The following FAM83A variants were observed in gnomAD, a reference collection of about 807,000 sequenced individuals.
The protein encoded by FAM83A is protein FAM83A.
In FAM83A, 21 loss-of-function variants were observed where a neutral mutation model predicts 24.4. The observed-to-expected ratio is 0.86, with a 90% CI of 0.61 to 1.24. The LOEUF is 1.24. Among genes scored for constraint, FAM83A ranks in the 50% most tolerant of loss-of-function variants. The pLI is 0.00. For synonymous variants in FAM83A, 270 were observed against 252.4 expected (o/e 1.07, Z -0.66); for missense variants, 617 against 579.8 (o/e 1.06, Z -0.66).
intron 2 of FAM83A, chr8:123,192,763 T>A (rs1368442540): frequency 2.0e-5 from 3 of 152,324 alleles, no homozygotes; most frequent in African/African-American, 7.2e-5. Context: ...CAGTGCTGCC[T>A]CCTGCTGCCA....
At chr8:123,183,160 T>G in exon 1 of FAM83A, 1 of 1,613,628 alleles carries the variant, frequency 6.2e-7, no homozygotes, top group Non-Finnish European at 8.5e-7. Flanking sequence ...CTCCCTACAG[T>G]CCGGCACCTA....
chr8:123,204,694 G>A (rs1373919813), intron 3 of FAM83A, among the ~76,000 whole-genome samples: 8 of 151,756 alleles, frequency 5.3e-5, no homozygotes, highest in South Asian at 2.1e-4. Flanking sequence ...CCCAGGAGGC[G>A]AGCTTGCAGT....
At chr8:123,183,015 G>A in exon 1 of FAM83A, 1 of 1,603,660 alleles carries the variant, frequency 6.2e-7, no homozygotes, top group Non-Finnish European at 8.5e-7. Flanking sequence ...ACTGGCGGGT[G>A]CTCAGCCAGG....
intron 3 of FAM83A, among the ~76,000 whole-genome samples, chr8:123,199,549 A>C (rs1356734512): frequency 2.0e-5 from 3 of 152,196 alleles, no homozygotes; most frequent in Non-Finnish European, 4.4e-5. Flanking sequence ...AGCCAGACCA[A>C]CATGGAGAAA....
upstream of FAM83A, chr8:123,179,435 C>A (rs1823543024): frequency 6.6e-6 from 1 of 152,258 alleles, no homozygotes; most frequent in African/African-American, 2.4e-5. Flanking sequence ...TCTCAGCCCC[C>A]AGAACCATGA....
intron 3 of FAM83A, among the ~76,000 whole-genome samples, chr8:123,203,244 TA>T (rs35308883): frequency 0.042 from 6,286 of 147,962 alleles, 441 homozygotes; most frequent in African/African-American, 0.15. Flanking sequence ...GCAGTGACCA[TA>T]AAAGTTTGCT....
intron 1 of FAM83A, among the ~76,000 whole-genome samples, chr8:123,183,828 T>A (rs1053287292): frequency 6.6e-6 from 1 of 152,006 alleles, no homozygotes; most frequent in Admixed American, 6.6e-5. Context: ...CTTGAGTAGC[T>A]GGGATTACAG....
At chr8:123,202,864 T>C (rs1345276278) in intron 3 of FAM83A, 1 of 152,102 alleles carries the variant, frequency 6.6e-6, no homozygotes, top group Non-Finnish European at 1.5e-5. Context: ...TAAATGTGCT[T>C]TTCCAAGAAT....
intron 3 of FAM83A, chr8:123,201,326 T>C (rs1484469598): frequency 6.6e-6 from 1 of 152,188 alleles, no homozygotes; most frequent in East Asian, 1.9e-4. Flanking sequence ...AGCTCTCCAA[T>C]CCCTGTGAAG....
chr8:123,207,167 C>A, exon 4 of FAM83A: 1 of 1,589,182 alleles, frequency 6.3e-7, no homozygotes, highest in African/African-American at 1.4e-5. Context: ...CTTCACCTGG[C>A]TCTGCGGACA....
At chr8:123,195,551 T>C (rs776177380) in intron 3 of FAM83A, among the ~76,000 whole-genome samples, 28 of 152,324 alleles carry the variant, frequency 1.8e-4, no homozygotes, top group Non-Finnish European at 3.8e-4. Flanking sequence ...CTTAGTCCAT[T>C]TGGGCTGCTA....
chr8:123,206,320 C>T (rs1480550239), intron 3 of FAM83A, among the ~76,000 whole-genome samples: 2 of 152,174 alleles, frequency 1.3e-5, no homozygotes, highest in Admixed American at 1.3e-4. Context: ...CTCCTGTCAG[C>T]GTCAACGGGA....
chr8:123,207,191 A>G (rs1412820765), exon 4 of FAM83A: 1 of 1,606,730 alleles, frequency 6.2e-7, no homozygotes, highest in East Asian at 2.2e-5. Flanking sequence ...GCACCGGAAC[A>G]TCCTCTCCAA....
chr8:123,209,487 G>A lies in FAM83A; in HGVS notation c.*1799G>A, dbSNP rs1824667530. On this transcript the variant is annotated 3_prime_UTR_variant, in exon 4 of 4. Transcript: ENST00000690554. The surrounding 1 kb of genome is among the most constrained non-coding windows in gnomAD (Gnocchi z 4.7). ...AACAAACAACACTTTGGTTCCTGAT[G>A]GCTTTCTGAACCCAGCCCTGACCTT... The A allele has an allele frequency of 6.2e-7, 1 of 1,614,160 alleles. No homozygotes were observed. The highest frequency in any genetic ancestry group is 8.5e-7 in the Non-Finnish European group (1 of 1,180,026).
intron 1 of FAM83A, among the ~76,000 whole-genome samples, chr8:123,187,495 A>AT (rs1173439630): frequency 6.6e-6 from 1 of 152,198 alleles, no homozygotes; most frequent in East Asian, 1.9e-4. Flanking sequence ...TGCTCACCAC[A>AT]TTTTTGTTAT....
intron 3 of FAM83A, among the ~76,000 whole-genome samples, chr8:123,194,606 C>A (rs1331208811): frequency 6.6e-6 from 1 of 152,046 alleles, no homozygotes; most frequent in Non-Finnish European, 1.5e-5. Flanking sequence ...CCCTCAGCCC[C>A]CCAAGTAGCT....
chr8:123,189,218 A>G (rs1272852343), intron 1 of FAM83A, among the ~76,000 whole-genome samples: 1 of 152,232 alleles, frequency 6.6e-6, no homozygotes, highest in East Asian at 1.9e-4. Context: ...CCTCATTATT[A>G]GAACATCTTT....
intron 2 of FAM83A, among the ~76,000 whole-genome samples, chr8:123,193,253 C>T (rs965352358): frequency 1.3e-5 from 2 of 152,244 alleles, no homozygotes; most frequent in African/African-American, 4.8e-5. Context: ...ACCACCTCCT[C>T]TGGCTGCACC....
chr8:123,207,569 G>A, exon 4 of FAM83A: 1 of 1,569,626 alleles, frequency 6.4e-7, no homozygotes, highest in Non-Finnish European at 8.6e-7. Context: ...CCCGCCCGCC[G>A]CTGTCTACAG....
Sources: allele counts gnomAD v4.1 joint callset (sites outside exome capture counted in the v4.1 genomes callset), GRCh38; gene constraint gnomAD v4.1.1; non-coding constraint Gnocchi (gnomAD v3.1); transcripts MANE v1.5; gene names NCBI Gene and HGNC (gene_info 2026-07-23, HGNC 2026-07-21).